COG5: variants seen among roughly 807,000 people sequenced by gnomAD.
COG5 encodes component of oligomeric golgi complex 5.
COG5 carries 86 observed loss-of-function variants against 110.4 expected under a neutral mutation model. That is an observed-to-expected ratio of 0.78 (90% CI 0.65 to 0.93). COG5 has a LOEUF of 0.93. COG5 is among the 40% of genes least tolerant of loss of function. The probability of loss-of-function intolerance (pLI) is 0.00; values close to 1 mark genes in which losing one functional copy is unlikely to be tolerated. For missense variants in COG5, 1,077 were observed against 987.0 expected (o/e 1.09, Z -1.22); for synonymous variants, 360 against 334.6 (o/e 1.08, Z -0.83).
chr7:107,509,814 A>G (rs1355113653), intron 6 of COG5, among the ~76,000 whole-genome samples: 1 of 152,030 alleles, frequency 6.6e-6, no homozygotes, highest in African/African-American at 2.4e-5. Flanking sequence ...TCATAAGTGA[A>G]GGGGAAATAA....
At chr7:107,545,779 C>CAAAAA (rs59515448) in intron 5 of COG5, among the ~76,000 whole-genome samples, 514 of 69,280 alleles carry the variant, frequency 7.4e-3, no homozygotes, top group Non-Finnish European at 9.8e-3. Context: ...GACTCCATCT[C>CAAAAA]AAAAAAAAAA....
At chr7:107,511,424 G>C (rs556108277) in intron 6 of COG5, among the ~76,000 whole-genome samples, 1 of 152,202 alleles carries the variant, frequency 6.6e-6, no homozygotes, top group African/African-American at 2.4e-5. Context: ...ACCAAAAAAA[G>C]TCCAGGAGCA....
intron 7 of COG5, among the ~76,000 whole-genome samples, chr7:107,404,463 C>A (rs1451406261): frequency 6.6e-6 from 1 of 151,928 alleles, no homozygotes; most frequent in African/African-American, 2.4e-5. Context: ...CTGATACATG[C>A]GAGAATATAA....
intron 6 of COG5, among the ~76,000 whole-genome samples, chr7:107,506,817 A>T (rs1337787190): frequency 6.6e-6 from 1 of 152,076 alleles, no homozygotes; most frequent in African/African-American, 2.4e-5. Flanking sequence ...GACACTTGCC[A>T]CTCACCCTCT....
intron 6 of COG5, among the ~76,000 whole-genome samples, chr7:107,433,335 C>T (rs1584816646): frequency 6.6e-6 from 1 of 152,102 alleles, no homozygotes; most frequent in Non-Finnish European, 1.5e-5. Flanking sequence ...CATGCAGAAA[C>T]AGAAAAACGC....
At chr7:107,523,633 G>A (rs1312325213) in intron 6 of COG5, among the ~76,000 whole-genome samples, 1 of 152,066 alleles carries the variant, frequency 6.6e-6, no homozygotes, top group Non-Finnish European at 1.5e-5. Context: ...TGGTCAACAT[G>A]GTGAAACCCC....
chr7:107,243,669 A>AG (rs1801830317), intron 17 of COG5, among the ~76,000 whole-genome samples: 1 of 152,160 alleles, frequency 6.6e-6, no homozygotes, highest in African/African-American at 2.4e-5. Context: ...GACCAAATGC[A>AG]ACTGATAGAC....
In COG5 at chr7:107,398,203, A is replaced by G. The variant is rs573344700; in HGVS notation, c.669+14299T>C. Reference sequence around the variant, plus strand: ...AAGACAGCATTATTCATAATAAACAAAAGCAGTCTACCAACTTATCAAGAC... The same window carrying G: ...AAGACAGCATTATTCATAATAAACAGAAGCAGTCTACCAACTTATCAAGAC... On this transcript the variant is annotated intron_variant, in intron 7 of 21. Coordinates refer to ENST00000297135, the MANE Select transcript of COG5 (RefSeq NM_006348.5). Among the ~76,000 whole-genome samples, 4 of 152,360 alleles carry G rather than the reference A, an allele frequency of 2.6e-5. 1 individual carries two copies. The South Asian group carries it at 8.3e-4, about 32-fold the overall frequency.
At chr7:107,251,560 A>G (rs2116577161) in intron 16 of COG5, among the ~76,000 whole-genome samples, 1 of 152,266 alleles carries the variant, frequency 6.6e-6, no homozygotes, top group South Asian at 2.1e-4. Flanking sequence ...AATCAGTAAC[A>G]AGATATATGC....
In COG5 at chr7:107,201,596, T is replaced by G. The variant is rs1022152894; in HGVS notation, c.*1920A>C. ...TTTAATAATATGAGTGAGGATTTGC[T>G]TTCTCCATTAGAGCATTAAGCTAAA... On this transcript the variant is annotated 3_prime_UTR_variant, in exon 22 of 22. Transcript: ENST00000297135. 2 of 458,478 alleles carry G rather than the reference T, an allele frequency of 4.4e-6. No individual in the cohort carries two copies. The highest frequency in any genetic ancestry group is 8.0e-6 in the Non-Finnish European group (2 of 250,424). The allele number at this position is 458,478 out of a possible 1,614,324, so 28.4% of individuals were successfully genotyped here.
In COG5 at chr7:107,405,953, A is replaced by T. The variant is rs193260275; in HGVS notation, c.669+6549T>A. Among the ~76,000 whole-genome samples the T allele has an allele frequency of 5.3e-5, 8 of 152,328 alleles. No individual in the cohort carries two copies. The East Asian group carries it at 1.5e-3, about 29-fold the overall frequency. ...AGATACCCAATCTGCTGGCACCTCCAGCCTTCAGACTTCCCCAGCCTCCAG... is the reference window on the plus strand; with the variant it reads ...AGATACCCAATCTGCTGGCACCTCCTGCCTTCAGACTTCCCCAGCCTCCAG... On this transcript the variant is annotated intron_variant, in intron 7 of 21. Coordinates refer to ENST00000297135, the MANE Select transcript of COG5 (RefSeq NM_006348.5).
intron 10 of COG5, among the ~76,000 whole-genome samples, chr7:107,334,082 A>T (rs1810495922): frequency 6.6e-6 from 1 of 152,168 alleles, no homozygotes; most frequent in African/African-American, 2.4e-5. Context: ...AAAGGAAAGG[A>T]AATCAGTATG....
At chr7:107,435,424 A>G (rs1418019841) in intron 6 of COG5, among the ~76,000 whole-genome samples, 1 of 152,090 alleles carries the variant, frequency 6.6e-6, no homozygotes, top group African/African-American at 2.4e-5. Flanking sequence ...AGGCCAAGGT[A>G]GGTGGATCAC....
chr7:107,318,082 C>T (rs1808917462), intron 11 of COG5, among the ~76,000 whole-genome samples: 1 of 151,966 alleles, frequency 6.6e-6, no homozygotes, highest in Non-Finnish European at 1.5e-5. Context: ...GGCTGGAGTG[C>T]AGTGGGGCCA....
intron 7 of COG5, among the ~76,000 whole-genome samples, chr7:107,390,359 T>TA (rs1200779121): frequency 1.3e-5 from 2 of 152,014 alleles, no homozygotes; most frequent in Non-Finnish European, 2.9e-5. Context: ...AAGGTATAGA[T>TA]AAAAAAATTC....
At chr7:107,504,745 G>A (rs1798861540) in intron 6 of COG5, among the ~76,000 whole-genome samples, 3 of 152,118 alleles carry the variant, frequency 2.0e-5, no homozygotes. Flanking sequence ...TATGTTTCCA[G>A]GAATTTATCC....
At chr7:107,547,352 C>A (rs1336830331) in intron 5 of COG5, among the ~76,000 whole-genome samples, 2 of 152,108 alleles carry the variant, frequency 1.3e-5, no homozygotes, top group African/African-American at 2.4e-5. Context: ...AAAAAAAACT[C>A]TATAGAAGGA....
intron 6 of COG5, among the ~76,000 whole-genome samples, chr7:107,449,122 CAAT>C (rs928579251): frequency 3.3e-5 from 5 of 151,610 alleles, no homozygotes; most frequent in African/African-American, 1.2e-4. Flanking sequence ...GGGAGTTGAA[CAAT>C]AAGAACACAT....
intron 14 of COG5, among the ~76,000 whole-genome samples, chr7:107,272,713 T>C (rs936839188): frequency 9.2e-5 from 14 of 152,300 alleles, no homozygotes; most frequent in Admixed American, 7.8e-4. Context: ...GTATTGAATA[T>C]GCTAAGACTA....
Sources: allele counts gnomAD v4.1 joint callset (sites outside exome capture counted in the v4.1 genomes callset), GRCh38; gene constraint gnomAD v4.1.1; transcripts MANE v1.5; gene names NCBI Gene and HGNC (gene_info 2026-07-23, HGNC 2026-07-21).